PTPRK: variants seen among roughly 807,000 people sequenced by gnomAD.
PTPRK encodes protein tyrosine phosphatase receptor type K.
In PTPRK, 75 loss-of-function variants were observed where a neutral mutation model predicts 178.0. That is an observed-to-expected ratio of 0.42 (90% CI 0.35 to 0.51). The LOEUF (loss-of-function observed/expected upper bound fraction) is 0.51, where lower values mean the gene tolerates loss of function less well. PTPRK is among the 20% of genes least tolerant of loss of function. The pLI, the probability that PTPRK is intolerant of heterozygous loss-of-function variation, is 0.02. For synonymous variants in PTPRK, 637 were observed against 620.6 expected (o/e 1.03, Z -0.39); for missense variants, 1,441 against 1,797.8 (o/e 0.80, Z 3.59).
At chr6:128,342,296 G>A (rs2128332054) in intron 2 of PTPRK, among the ~76,000 whole-genome samples, 1 of 151,958 alleles carries the variant, frequency 6.6e-6, no homozygotes, top group South Asian at 2.1e-4. Context: ...TAGATCCTAG[G>A]TTTCAGCACA....
At chr6:128,024,490 A>G (rs982266650) in intron 13 of PTPRK, among the ~76,000 whole-genome samples, 3 of 152,168 alleles carry the variant, frequency 2.0e-5, no homozygotes, top group African/African-American at 7.2e-5. Context: ...GAAAATTAGT[A>G]ATTTGACATT....
At chr6:128,383,713 G>A (rs763715671) in intron 2 of PTPRK, among the ~76,000 whole-genome samples, 48 of 152,174 alleles carry the variant, frequency 3.2e-4, no homozygotes, top group African/African-American at 7.7e-4. Flanking sequence ...AACACTGAAC[G>A]GTGGTATTGT....
intron 1 of PTPRK, among the ~76,000 whole-genome samples, chr6:128,413,076 A>G (rs1562470433): frequency 6.6e-6 from 1 of 152,194 alleles, no homozygotes; most frequent in Admixed American, 6.5e-5. Context: ...TACAACCCAT[A>G]TATTTCCTCA....
intron 3 of PTPRK, among the ~76,000 whole-genome samples, chr6:128,247,257 T>C (rs1815639642): frequency 6.6e-6 from 1 of 152,184 alleles, no homozygotes; most frequent in Non-Finnish European, 1.5e-5. Context: ...CTTAATATTC[T>C]TTCAATATAT....
intron 1 of PTPRK, among the ~76,000 whole-genome samples, chr6:128,489,658 C>T (rs935689567): frequency 1.3e-5 from 2 of 152,120 alleles, no homozygotes; most frequent in African/African-American, 4.8e-5. Flanking sequence ...AGGCACATGG[C>T]CATGTACACA....
intron 5 of PTPRK, among the ~76,000 whole-genome samples, chr6:128,225,067 CAG>C (rs1811048890): frequency 6.6e-6 from 1 of 152,142 alleles, no homozygotes; most frequent in Non-Finnish European, 1.5e-5. Flanking sequence ...CACTTTACTT[CAG>C]AGTCTCTTTT....
intron 2 of PTPRK, among the ~76,000 whole-genome samples, chr6:128,369,009 CAT>C (rs1835905971): frequency 6.6e-6 from 1 of 152,018 alleles, no homozygotes; most frequent in South Asian, 2.1e-4. Context: ...AGCTAAACTA[CAT>C]AGTTGACTTA....
intron 3 of PTPRK, chr6:128,320,894 C>A (rs1828695172): frequency 6.6e-6 from 1 of 152,086 alleles, no homozygotes; most frequent in Admixed American, 6.6e-5. Context: ...TATCCTTATG[C>A]TCCGGAATAA....
At chr6:128,190,388 A>C (rs1803557392) in intron 6 of PTPRK, among the ~76,000 whole-genome samples, 1 of 151,690 alleles carries the variant, frequency 6.6e-6, no homozygotes. Context: ...AATCTAAATT[A>C]CTATTAAGTT....
chr6:128,209,785 C>T (rs1807743659), intron 6 of PTPRK, among the ~76,000 whole-genome samples: 1 of 151,962 alleles, frequency 6.6e-6, no homozygotes, highest in Non-Finnish European at 1.5e-5. Flanking sequence ...AAGCCAAGAC[C>T]CTAAGGCATG....
chr6:128,205,325 C>A (rs1274241945), intron 6 of PTPRK, among the ~76,000 whole-genome samples: 1 of 151,892 alleles, frequency 6.6e-6, no homozygotes, highest in Non-Finnish European at 1.5e-5. Flanking sequence ...AGCTTAATAC[C>A]TAGGTGATGG....
chr6:127,995,125 G>A, intron 18 of PTPRK: 1 of 956,342 alleles, frequency 1.0e-6, no homozygotes, highest in Non-Finnish European at 1.6e-6. Flanking sequence ...GAGATATATT[G>A]TATGAAGCTA....
chr6:128,096,994 G>A (rs1283049179), intron 7 of PTPRK, among the ~76,000 whole-genome samples: 1 of 152,108 alleles, frequency 6.6e-6, no homozygotes, highest in Non-Finnish European at 1.5e-5. Context: ...TTTCCTCATG[G>A]AAAGGGTTGA....
chr6:128,424,304 A>G (rs1843838541), intron 1 of PTPRK, among the ~76,000 whole-genome samples: 1 of 152,214 alleles, frequency 6.6e-6, no homozygotes, highest in Non-Finnish European at 1.5e-5. Context: ...TATAGTGCAG[A>G]GAAAGAATAG....
chr6:128,287,427 T>G (rs1432588954), intron 3 of PTPRK, among the ~76,000 whole-genome samples: 4 of 152,190 alleles, frequency 2.6e-5, no homozygotes, highest in Admixed American at 6.6e-5. Context: ...AAATCTTTCA[T>G]GAGCAAAAGC....
At chr6:128,226,045 A>G (rs755209125) in intron 5 of PTPRK, among the ~76,000 whole-genome samples, 1 of 152,172 alleles carries the variant, frequency 6.6e-6, no homozygotes, top group Non-Finnish European at 1.5e-5. Flanking sequence ...TTTGCAATGG[A>G]GAGAAAAGGT....
Position 127,995,492 on chromosome 6 carries a change from G to A in PTPRK, c.2814C>T (p.Ser938=), listed in dbSNP as rs767375057. Residue 938 remains serine, a synonymous_variant, in exon 18 of 30, where the codon TCC becomes TCT. Transcript: ENST00000368226. ...VILQPVEDDP[S]SDYINANYID... The stretch of plus-strand genomic sequence containing the variant: ...TATAGTTGGCATTAATATAATCTGA[G>A]GAAGGATCATCCTCTACGGGTTGCA... 6.3e-7 allele frequency: 1 copy of A among 1,599,838 alleles called. No homozygotes were observed.
chr6:128,066,394 G>A (rs933782204), intron 12 of PTPRK, among the ~76,000 whole-genome samples: 1 of 152,130 alleles, frequency 6.6e-6, no homozygotes, highest in East Asian at 1.9e-4. Flanking sequence ...TACAAGCCAA[G>A]CATACAGGCA....
At chr6:128,054,428 CATCT>C (rs1410167619) in intron 13 of PTPRK, among the ~76,000 whole-genome samples, 2 of 152,190 alleles carry the variant, frequency 1.3e-5, no homozygotes, top group African/African-American at 2.4e-5. Flanking sequence ...AGAAATTTCA[CATCT>C]ATTATTTCTG....
Sources: gnomAD v4.1 joint callset for allele counts (sites outside exome capture counted in the v4.1 genomes callset) on GRCh38, gnomAD v4.1.1 for gene constraint, MANE v1.5 for transcripts, NCBI Gene and HGNC (gene_info 2026-07-23, HGNC 2026-07-21) for gene names.